NRG3: variants seen among roughly 807,000 people sequenced by gnomAD.
The protein encoded by NRG3 is neuregulin 3.
Under a neutral mutation model 66.9 loss-of-function variants are expected in NRG3, and 31 were observed. The observed-to-expected ratio is 0.46, with a 90% confidence interval of 0.35 to 0.63. The LOEUF (loss-of-function observed/expected upper bound fraction) is 0.63. NRG3 is among the 20% of genes least tolerant of loss of function. NRG3 has a pLI of 0.00. For missense variants in NRG3, 910 were observed against 878.9 expected (o/e 1.04, Z -0.45); for synonymous variants, 393 against 359.4 (o/e 1.09, Z -1.06).
intron 2 of NRG3, among the ~76,000 whole-genome samples, chr10:82,501,820 T>C (rs1010422248): frequency 2.0e-5 from 3 of 152,172 alleles, no homozygotes; most frequent in Non-Finnish European, 4.4e-5. Flanking sequence ...ATAGCTGATA[T>C]TATTAATATT....
chr10:82,493,415 A>G (rs1219513362), intron 2 of NRG3, among the ~76,000 whole-genome samples: 2 of 152,144 alleles, frequency 1.3e-5, no homozygotes, highest in African/African-American at 2.4e-5. Context: ...TTTGCTGAGG[A>G]TAATGGCTTT....
chr10:82,444,229 A>G (rs1165732496), intron 2 of NRG3, among the ~76,000 whole-genome samples: 1 of 152,066 alleles, frequency 6.6e-6, no homozygotes, highest in African/African-American at 2.4e-5. Context: ...CAGCCTCCTG[A>G]GTAGCAGGGA....
chr10:82,917,968 G>GTATATATATATATATA (rs1419038422), intron 4 of NRG3, among the ~76,000 whole-genome samples: 7 of 97,380 alleles, frequency 7.2e-5, no homozygotes, highest in Admixed American at 2.1e-4. Flanking sequence ...GTGTGTGTGT[G>GTATATATATATATATA]TGTATATATA....
At chr10:82,045,868 A>G (rs2063265346) in intron 1 of NRG3, among the ~76,000 whole-genome samples, 1 of 147,990 alleles carries the variant, frequency 6.8e-6, no homozygotes, top group Non-Finnish European at 1.5e-5. Context: ...GTCAAAGATC[A>G]GATGGTTGTA....
chr10:81,969,004 A>C (rs907107120), intron 1 of NRG3, among the ~76,000 whole-genome samples: 1 of 152,190 alleles, frequency 6.6e-6, no homozygotes, highest in Non-Finnish European at 1.5e-5. Flanking sequence ...CTGCAAGGAT[A>C]ACCTGAGTTT....
At chr10:82,290,449 A>G (rs1258514413) in intron 1 of NRG3, among the ~76,000 whole-genome samples, 2 of 152,172 alleles carry the variant, frequency 1.3e-5, no homozygotes, top group Non-Finnish European at 2.9e-5. Context: ...CACTGAAACA[A>G]TGAACTAACG....
intron 1 of NRG3, among the ~76,000 whole-genome samples, chr10:81,903,996 A>ATATATT (rs1195979571): frequency 1.1e-5 from 1 of 91,932 alleles, no homozygotes. Context: ...ATATATATAT[A>ATATATT]TTTTTTTTTT....
At chr10:82,587,695 A>C (rs1195102236) in intron 2 of NRG3, among the ~76,000 whole-genome samples, 1 of 152,188 alleles carries the variant, frequency 6.6e-6, no homozygotes, top group African/African-American at 2.4e-5. Context: ...GATATGACAG[A>C]TGGACAGGCC....
At chr10:82,371,867 G>A (rs2084917489) in intron 2 of NRG3, among the ~76,000 whole-genome samples, 1 of 152,088 alleles carries the variant, frequency 6.6e-6, no homozygotes, top group Non-Finnish European at 1.5e-5. Context: ...TAAAGAATGA[G>A]AGCGCACTCT....
At chr10:82,381,972 T>C (rs2085648763) in intron 2 of NRG3, among the ~76,000 whole-genome samples, 2 of 152,202 alleles carry the variant, frequency 1.3e-5, no homozygotes, top group Admixed American at 6.5e-5. Context: ...TTTTATGCCA[T>C]TTCATATTGC....
chr10:82,451,954 A>T (rs934303030), intron 2 of NRG3, among the ~76,000 whole-genome samples: 1 of 152,172 alleles, frequency 6.6e-6, no homozygotes, highest in Non-Finnish European at 1.5e-5. Context: ...AATTCAAAAT[A>T]AAAAAATGTT....
intron 3 of NRG3, among the ~76,000 whole-genome samples, chr10:82,844,388 T>C (rs973624163): frequency 5.9e-5 from 9 of 152,198 alleles, no homozygotes; most frequent in Non-Finnish European, 1.3e-4. Context: ...TAACCCCGGA[T>C]GCCAAAACTG....
At chr10:82,328,434 C>G (rs541524501) in intron 1 of NRG3, among the ~76,000 whole-genome samples, 9 of 152,112 alleles carry the variant, frequency 5.9e-5, no homozygotes, top group Non-Finnish European at 1.2e-4. Context: ...TGTTTCGATA[C>G]TATGCAATGT....
chr10:82,180,201 T>G (rs1412936529), intron 1 of NRG3, among the ~76,000 whole-genome samples: 4 of 151,622 alleles, frequency 2.6e-5, no homozygotes, highest in Non-Finnish European at 4.4e-5. Flanking sequence ...TGAGTAGAGA[T>G]TATTTTATTT....
chr10:82,895,859 C>T (rs1366722167), intron 4 of NRG3, among the ~76,000 whole-genome samples: 2 of 152,148 alleles, frequency 1.3e-5, no homozygotes, highest in Admixed American at 1.3e-4. Context: ...AGTCACCAGT[C>T]TGCTGTTTAC....
At chr10:82,164,154 G>C (rs2071842912) in intron 1 of NRG3, among the ~76,000 whole-genome samples, 1 of 151,736 alleles carries the variant, frequency 6.6e-6, no homozygotes, top group Admixed American at 6.6e-5. Context: ...CTCCTAACAG[G>C]GATCCACCTG....
chr10:82,903,885 C>T (rs1365583215), intron 4 of NRG3, among the ~76,000 whole-genome samples: 1 of 150,778 alleles, frequency 6.6e-6, no homozygotes, highest in East Asian at 1.9e-4. Context: ...CTGTACATTA[C>T]ATATATATAT....
chr10:82,607,002 G>A (rs1294535242), intron 2 of NRG3, among the ~76,000 whole-genome samples: 1 of 152,008 alleles, frequency 6.6e-6, no homozygotes, highest in Non-Finnish European at 1.5e-5. Flanking sequence ...AAACCTCTTG[G>A]GGAGGCAGAT....
intron 3 of NRG3, among the ~76,000 whole-genome samples, chr10:82,842,324 A>G (rs1229808084): frequency 6.6e-6 from 1 of 152,222 alleles, no homozygotes; most frequent in African/African-American, 2.4e-5. Flanking sequence ...GTGATGCCTC[A>G]TACAGAACTT....
Sources: allele counts gnomAD v4.1 joint callset (sites outside exome capture counted in the v4.1 genomes callset), GRCh38; gene constraint gnomAD v4.1.1; transcripts MANE v1.5; gene names NCBI Gene and HGNC (gene_info 2026-07-23, HGNC 2026-07-21).